MTUS2: variants seen among roughly 807,000 people sequenced by gnomAD.
MTUS2 encodes microtubule associated scaffold protein 2.
Under a neutral mutation model 114.1 loss-of-function variants are expected in MTUS2, and 40 were observed. The ratio of observed to expected loss-of-function variants is 0.35; its 90% CI spans 0.27 to 0.46. The LOEUF is 0.46. MTUS2 is among the 20% of genes least tolerant of loss of function. The pLI is 1.00. For missense variants in MTUS2, 1,679 were observed against 1,705.4 expected (o/e 0.98, Z 0.27); for synonymous variants, 688 against 672.0 (o/e 1.02, Z -0.37).
intron 2 of MTUS2, among the ~76,000 whole-genome samples, chr13:28,921,988 C>G (rs1406335387): frequency 6.6e-6 from 1 of 152,136 alleles, no homozygotes; most frequent in Non-Finnish European, 1.5e-5. Flanking sequence ...GTGTCCCCAC[C>G]CATATCTCAT....
chr13:29,128,383 C>T (rs970384367), intron 5 of MTUS2, among the ~76,000 whole-genome samples: 12 of 152,058 alleles, frequency 7.9e-5, no homozygotes, highest in South Asian at 2.1e-4. Flanking sequence ...GGTTAGGAAT[C>T]GCCCAGAGAC....
At chr13:29,040,301 T>G (rs1887289099) in intron 4 of MTUS2, among the ~76,000 whole-genome samples, 1 of 152,272 alleles carries the variant, frequency 6.6e-6, no homozygotes, top group African/African-American at 2.4e-5. Flanking sequence ...CATTATTTCA[T>G]TCCTTTTTAA....
At position 28,895,014 on chromosome 13, in the gene MTUS2, G is replaced by T. The variant is rs377245540; in HGVS notation, c.-243+55164G>T. Reference sequence around the variant, plus strand: ...TAAAACAGAAAAAGGATTAAAGAATGTATTTCGAAGATCTCGAAATCCATC... The same window carrying T: ...TAAAACAGAAAAAGGATTAAAGAATTTATTTCGAAGATCTCGAAATCCATC... On this transcript the variant is annotated intron_variant, in intron 2 of 15. Coordinates refer to ENST00000612955, the MANE Select transcript of MTUS2 (RefSeq NM_001033602.4). Among the ~76,000 whole-genome samples the T allele has an allele frequency of 2.0e-5, 3 of 152,326 alleles. 1 individual carries two copies. Among genetic ancestry groups the T allele is most frequent in the African/African-American group, 7.2e-5 (3 of 41,574 alleles).
At chr13:29,374,440 A>G (rs2138320238) in intron 8 of MTUS2, among the ~76,000 whole-genome samples, 1 of 152,378 alleles carries the variant, frequency 6.6e-6, no homozygotes, top group South Asian at 2.1e-4. Flanking sequence ...TACTGTAAGC[A>G]GTCAAAGAAA....
intron 8 of MTUS2, among the ~76,000 whole-genome samples, chr13:29,416,816 T>C (rs527676449): frequency 3.6e-4 from 51 of 141,752 alleles, no homozygotes; most frequent in Non-Finnish European, 6.1e-4. Flanking sequence ...GTGACCTTTT[T>C]GCCTAGAGGT....
intron 8 of MTUS2, among the ~76,000 whole-genome samples, chr13:29,390,762 A>ATGT (rs2138435446): frequency 6.7e-6 from 1 of 148,468 alleles, no homozygotes; most frequent in Admixed American, 6.7e-5. Flanking sequence ...AATGGTGATG[A>ATGT]TGATGATGAT....
At chr13:29,203,950 G>A (rs1895072775) in intron 5 of MTUS2, among the ~76,000 whole-genome samples, 1 of 151,312 alleles carries the variant, frequency 6.6e-6, no homozygotes, top group South Asian at 2.1e-4. Context: ...GGGAGTTACC[G>A]AAGCTGTTAC....
At chr13:29,312,941 A>C (rs1899833945) in intron 6 of MTUS2, among the ~76,000 whole-genome samples, 1 of 152,230 alleles carries the variant, frequency 6.6e-6, no homozygotes, top group Non-Finnish European at 1.5e-5. Context: ...AATGTCAGGA[A>C]TTCACCTAAT....
Position 29,177,139 on chromosome 13 carries a change from T to G in MTUS2, c.2644+76169T>G, listed in dbSNP as rs150758988. On this transcript the variant is annotated intron_variant, in intron 5 of 15. Transcript: ENST00000612955. ...TTGGAGGAGGACATGAGAAGTTTAC[T>G]TTTAGCCTAAGATCTTACATTTGCG... is the stretch of plus-strand genomic sequence containing the variant. Among the ~76,000 whole-genome samples, 130 of 151,232 alleles carry G rather than the reference T, an allele frequency of 8.6e-4. 11 individuals are homozygous for G. The highest frequency in any genetic ancestry group is 3.1e-3 in the African/African-American group (126 of 40,528).
At chr13:28,870,004 A>G (rs965889588) in intron 2 of MTUS2, among the ~76,000 whole-genome samples, 1 of 152,186 alleles carries the variant, frequency 6.6e-6, no homozygotes, top group Admixed American at 6.5e-5. Context: ...GACAATAATA[A>G]TTGCACATAT....
intron 15 of MTUS2, 117 bp downstream of exon 15, chr13:29,501,311 T>C (rs2139023787): frequency 2.6e-6 from 2 of 762,122 alleles, no homozygotes; most frequent in Admixed American, 2.5e-5. Flanking sequence ...CTTGCTGTTT[T>C]CCCCAAGACC....
intron 5 of MTUS2, among the ~76,000 whole-genome samples, chr13:29,249,731 A>G (rs894296598): frequency 5.9e-5 from 9 of 152,188 alleles, no homozygotes; most frequent in African/African-American, 1.9e-4. Flanking sequence ...GTGTTTTCCA[A>G]AAATTTTCTC....
At chr13:29,353,263 T>G (rs1869452050) in intron 7 of MTUS2, among the ~76,000 whole-genome samples, 1 of 152,184 alleles carries the variant, frequency 6.6e-6, no homozygotes, top group African/African-American at 2.4e-5. Flanking sequence ...TCAACTTCCC[T>G]GGCTCAACCG....
intron 8 of MTUS2, among the ~76,000 whole-genome samples, chr13:29,379,982 G>T (rs1872079151): frequency 6.6e-6 from 1 of 152,154 alleles, no homozygotes; most frequent in Admixed American, 6.5e-5. Flanking sequence ...AGTGTTTTTT[G>T]ACTGGTAATG....
At chr13:29,306,256 C>G (rs914376493) in intron 6 of MTUS2, among the ~76,000 whole-genome samples, 1 of 152,196 alleles carries the variant, frequency 6.6e-6, no homozygotes, top group African/African-American at 2.4e-5. Context: ...CTCACCACTC[C>G]TATTCAACAT....
intron 3 of MTUS2, among the ~76,000 whole-genome samples, chr13:29,027,903 C>G (rs1019938090): frequency 6.6e-6 from 1 of 152,194 alleles, no homozygotes; most frequent in Non-Finnish European, 1.5e-5. Flanking sequence ...TCACCCACCA[C>G]AAAGGAAGGA....
At chr13:29,083,953 C>A (rs2138741721) in intron 4 of MTUS2, among the ~76,000 whole-genome samples, 1 of 152,248 alleles carries the variant, frequency 6.6e-6, no homozygotes, top group African/African-American at 2.4e-5. Context: ...TAAGGTGAAA[C>A]ATACTTATGT....
chr13:29,207,682 A>G (rs1895247501), intron 5 of MTUS2, among the ~76,000 whole-genome samples: 1 of 152,076 alleles, frequency 6.6e-6, no homozygotes, highest in Admixed American at 6.5e-5. Flanking sequence ...TGAGATGATC[A>G]TGTTATTTTT....
At chr13:29,312,274 A>T (rs1294201775) in intron 6 of MTUS2, among the ~76,000 whole-genome samples, 1 of 152,228 alleles carries the variant, frequency 6.6e-6, no homozygotes. Flanking sequence ...AGAGCTGAGG[A>T]TTCTGTCTTT....
Sources: allele counts gnomAD v4.1 joint callset (sites outside exome capture counted in the v4.1 genomes callset), GRCh38; gene constraint gnomAD v4.1.1; transcripts MANE v1.5; gene names NCBI Gene and HGNC (gene_info 2026-07-23, HGNC 2026-07-21).